The following ACTL8 variants were observed in gnomAD, a reference collection of about 807,000 sequenced individuals.
The protein encoded by ACTL8 is actin-like protein 8.
ACTL8 carries 3 observed loss-of-function variants against 9.3 expected under a neutral mutation model. The observed-to-expected ratio is 0.32, with a 90% CI of 0.15 to 0.83. The LOEUF (loss-of-function observed/expected upper bound fraction) is 0.83, where lower values mean the gene tolerates loss of function less well. Ranked by LOEUF, ACTL8 falls within the 40% of genes least tolerant of loss-of-function variation. The pLI, the probability that ACTL8 is intolerant of heterozygous loss-of-function variation, is 0.57. For synonymous variants in ACTL8, 224 were observed against 205.9 expected (o/e 1.09, Z -0.75); for missense variants, 381 against 492.2 (o/e 0.77, Z 2.14).
At chr1:17,791,204 G>A (rs780731133) in intron 1 of ACTL8, among the ~76,000 whole-genome samples, 4 of 152,136 alleles carry the variant, frequency 2.6e-5, no homozygotes, top group Admixed American at 1.3e-4. Context: ...GCCCCAACTC[G>A]GAAGGGGCAG....
At chr1:17,769,703 A>G (rs998277305) in intron 1 of ACTL8, among the ~76,000 whole-genome samples, 3 of 152,170 alleles carry the variant, frequency 2.0e-5, no homozygotes, top group African/African-American at 7.2e-5. Flanking sequence ...TGGGAATACA[A>G]GGGGCCTGGT....
chr1:17,773,724 C>G lies in ACTL8; in HGVS notation c.-25+18220C>G, dbSNP rs1440570296. On this transcript the variant is annotated intron_variant, in intron 1 of 2. Coordinates refer to ENST00000375406, the MANE Select transcript of ACTL8 (RefSeq NM_030812.3). ...CATTCGTGACCTTTCTGTGCCCAAG[C>G]AAGGATAATCAAAGGGTCTCTCTCA... Among the ~76,000 whole-genome samples the G allele has an allele frequency of 4.6e-5, 7 of 152,278 alleles. No individual in the cohort carries two copies. The East Asian group carries it at 7.7e-4, about 17-fold the overall frequency.
intron 1 of ACTL8, among the ~76,000 whole-genome samples, chr1:17,786,804 C>T (rs924749599): frequency 1.3e-5 from 2 of 152,102 alleles, no homozygotes; most frequent in Non-Finnish European, 1.5e-5. Flanking sequence ...AAGCAATCCT[C>T]CTGCCTCAGA....
intron 1 of ACTL8, among the ~76,000 whole-genome samples, chr1:17,772,761 G>A (rs1293677811): frequency 6.6e-6 from 1 of 152,188 alleles, no homozygotes; most frequent in Non-Finnish European, 1.5e-5. Flanking sequence ...AGTCCCACGT[G>A]CTCTGGAGCT....
In ACTL8 at chr1:17,814,405, A is replaced by C. The variant is rs141641772; in HGVS notation, c.-24-8580A>C. Among the ~76,000 whole-genome samples the C allele has an allele frequency of 2.9e-3, 435 of 152,296 alleles. 3 individuals carry two copies. Among genetic ancestry groups the C allele is most frequent in the African/African-American group, 9.9e-3 (413 of 41,560 alleles). ...ATTCAGTACAATAACATGCCATACC[A>C]GTTTGTAGCATAGCAAGACTCTATA... On this transcript the variant is annotated intron_variant, in intron 1 of 2. Transcript: ENST00000375406.
chr1:17,814,596 AAC>A (rs1482925475), intron 1 of ACTL8, among the ~76,000 whole-genome samples: 1 of 152,152 alleles, frequency 6.6e-6, no homozygotes, highest in Non-Finnish European at 1.5e-5. Flanking sequence ...TCAGTAGAAT[AAC>A]ACGCAGTACC....
At chr1:17,788,553 T>A (rs2102686641) in intron 1 of ACTL8, among the ~76,000 whole-genome samples, 1 of 152,352 alleles carries the variant, frequency 6.6e-6, no homozygotes, top group African/African-American at 2.4e-5. Context: ...ATATTTTCTG[T>A]TTTCCAAGTT....
chr1:17,763,491 C>T (rs540030264), intron 1 of ACTL8, among the ~76,000 whole-genome samples: 1 of 152,272 alleles, frequency 6.6e-6, no homozygotes, highest in Non-Finnish European at 1.5e-5. Flanking sequence ...GGTCCCTCAA[C>T]CCTTTTCCCC....
intron 1 of ACTL8, among the ~76,000 whole-genome samples, chr1:17,779,461 C>T (rs1468124565): frequency 6.6e-6 from 1 of 152,182 alleles, no homozygotes; most frequent in Non-Finnish European, 1.5e-5. Context: ...CTAGATCCCT[C>T]ATCATCAGAT....
chr1:17,815,308 T>C (rs2066419353), intron 1 of ACTL8, among the ~76,000 whole-genome samples: 1 of 152,268 alleles, frequency 6.6e-6, no homozygotes, highest in Non-Finnish European at 1.5e-5. Context: ...TCCTTCAGCC[T>C]GAAGAGCTTT....
Position 17,773,522 on chromosome 1 carries a change from T to C in ACTL8, c.-25+18018T>C, listed in dbSNP as rs545177158. On this transcript the variant is annotated intron_variant, in intron 1 of 2. Coordinates refer to ENST00000375406, the MANE Select transcript of ACTL8 (RefSeq NM_030812.3). ...GCCGGCTTAGCTCTACCCTTATGCG[T>C]TTATTTATGATGCCATAGAGTGGAG... 2.6e-5 allele frequency among the ~76,000 whole-genome samples: 4 copies of C among 152,296 alleles called. No homozygotes were observed. In the South Asian group the frequency reaches 8.3e-4, roughly 32 times the overall value.
chr1:17,796,415 C>T (rs569169777), intron 1 of ACTL8, among the ~76,000 whole-genome samples: 14 of 152,136 alleles, frequency 9.2e-5, no homozygotes, highest in African/African-American at 3.4e-4. Context: ...TTAGCTCATA[C>T]ATGCAGGTGC....
Position 17,826,851 on chromosome 1 carries a change from A to T in ACTL8, c.*332A>T. On this transcript the variant is annotated 3_prime_UTR_variant, in exon 3 of 3. Coordinates refer to ENST00000375406, the MANE Select transcript of ACTL8 (RefSeq NM_030812.3). This position sits in a 1 kb window ranked among gnomAD's most constrained non-coding sequence, Gnocchi z 4.5. ...ATTGGCATTTCCCCTGGTTTGTCTC[A>T]TTCTTCTTGGTTGAGTAGGTTTTAA... The T allele has an allele frequency of 5.3e-6, 1 of 189,756 alleles. No homozygotes were observed. Among genetic ancestry groups the T allele is most frequent in the Non-Finnish European group, 1.1e-5 (1 of 92,692 alleles). The allele number at this position is 189,756 out of a possible 1,614,324, so 11.8% of individuals were successfully genotyped here.
chr1:17,795,116 G>A (rs139293495), intron 1 of ACTL8, among the ~76,000 whole-genome samples: 1 of 152,356 alleles, frequency 6.6e-6, no homozygotes, highest in African/African-American at 2.4e-5. Context: ...GTCCAGGTAC[G>A]TTAATAGCAT....
chr1:17,779,194 CCCTCCTGGACCCCTCTG>C (rs1167354342), intron 1 of ACTL8, among the ~76,000 whole-genome samples: 1 of 152,092 alleles, frequency 6.6e-6, no homozygotes, highest in Non-Finnish European at 1.5e-5. Context: ...TGGACCCTCT[CCCTCCTGGACCCCTCTG>C]CCTCCTGGAC....
intron 1 of ACTL8, among the ~76,000 whole-genome samples, chr1:17,779,485 C>T (rs755602671): frequency 2.0e-5 from 3 of 152,190 alleles, no homozygotes; most frequent in Non-Finnish European, 2.9e-5. Context: ...CAAAAGGAGA[C>T]AGTACTTGTG....
intron 1 of ACTL8, among the ~76,000 whole-genome samples, chr1:17,803,961 G>A (rs1319081306): frequency 2.0e-5 from 3 of 152,108 alleles, no homozygotes; most frequent in African/African-American, 7.2e-5. Context: ...ACTTCCTAGG[G>A]TCCTCATATG....
chr1:17,816,144 ACT>A (rs1047820611), intron 1 of ACTL8, among the ~76,000 whole-genome samples: 1 of 151,558 alleles, frequency 6.6e-6, no homozygotes, highest in African/African-American at 2.4e-5. Context: ...AATGTACAGT[ACT>A]CTGTTACGAA....
intron 1 of ACTL8, among the ~76,000 whole-genome samples, chr1:17,764,448 TTTC>T (rs1165628457): frequency 6.6e-5 from 10 of 152,138 alleles, no homozygotes; most frequent in Admixed American, 5.9e-4. Flanking sequence ...CAGCCCAATG[TTTC>T]TTCTTATTGC....
Sources: gnomAD v4.1 joint callset for allele counts (sites outside exome capture counted in the v4.1 genomes callset) on GRCh38, gnomAD v4.1.1 for gene constraint, Gnocchi (gnomAD v3.1) non-coding constraint, MANE v1.5 for transcripts, NCBI Gene and HGNC (gene_info 2026-07-23, HGNC 2026-07-21) for gene names.